The following PPP3CA variants were observed in gnomAD, a reference collection of about 807,000 sequenced individuals.
PPP3CA encodes CAM-PRP catalytic subunit.
PPP3CA carries 14 observed loss-of-function variants against 66.5 expected under a neutral mutation model. The ratio of observed to expected loss-of-function variants is 0.21; its 90% CI spans 0.14 to 0.33. The LOEUF is 0.33. Ranked by LOEUF, PPP3CA falls within the 10% of genes least tolerant of loss-of-function variation. PPP3CA has a pLI of 1.00. For synonymous variants in PPP3CA, 232 were observed against 226.2 expected (o/e 1.03, Z -0.23); for missense variants, 317 against 639.5 (o/e 0.50, Z 5.44).
At chr4:101,237,416 C>T (rs1278605620) in intron 1 of PPP3CA, among the ~76,000 whole-genome samples, 1 of 151,870 alleles carries the variant, frequency 6.6e-6, no homozygotes, top group Non-Finnish European at 1.5e-5. Context: ...AAACAATGTC[C>T]ACACAAAGTA....
chr4:101,327,928 A>C (rs1033865110), intron 1 of PPP3CA, among the ~76,000 whole-genome samples: 8 of 152,214 alleles, frequency 5.3e-5, no homozygotes, highest in Non-Finnish European at 8.8e-5. Flanking sequence ...CACCTTTCAT[A>C]AACAACAACC....
intron 1 of PPP3CA, among the ~76,000 whole-genome samples, chr4:101,327,723 A>C (rs1560719759): frequency 6.6e-6 from 1 of 152,200 alleles, no homozygotes; most frequent in Non-Finnish European, 1.5e-5. Context: ...TTCCTTATAA[A>C]GTAGAGGTTA....
rs1213202610 is a variant in PPP3CA at position 101,098,526 on chromosome 4, T to G, written c.497-14A>C. The G allele has an allele frequency of 1.9e-6, 3 of 1,582,404 alleles. No individual in the cohort carries two copies. The African/African-American group carries it at 4.1e-5, about 22-fold the overall frequency. ...ACTTTATTTTACCTTTTAGAAGTGA[T>G]TAAAAGAATACTTATGATTTATAGG... On this transcript the variant is annotated splice_polypyrimidine_tract_variant and intron_variant, in intron 4 of 13. Transcript: ENST00000394854.
intron 2 of PPP3CA, among the ~76,000 whole-genome samples, chr4:101,109,308 T>TAAAAAAAAAAAAA (rs70961775): frequency 4.4e-5 from 4 of 90,032 alleles, no homozygotes; most frequent in African/African-American, 1.3e-4. Flanking sequence ...ACAGATTAAC[T>TAAAAAAAAAAAAA]AAAAAAAAAA....
intron 2 of PPP3CA, among the ~76,000 whole-genome samples, chr4:101,153,797 A>C (rs932115819): frequency 3.3e-5 from 5 of 152,212 alleles, no homozygotes; most frequent in Non-Finnish European, 5.9e-5. Flanking sequence ...CAGCATGAAA[A>C]TCTCAGAACC....
At chr4:101,082,208 C>A (rs1729471806) in intron 7 of PPP3CA, among the ~76,000 whole-genome samples, 1 of 152,194 alleles carries the variant, frequency 6.6e-6, no homozygotes, top group Non-Finnish European at 1.5e-5. Flanking sequence ...AAACAGGTTA[C>A]TTCAAACATC....
rs1174272214 is a variant in PPP3CA at position 101,112,901 on chromosome 4, C to G, written c.260-3823G>C. ...CCGCCATATCCCCAGTGCCTAGACA[C>G]TTGTGTGCCCAGGAGGCACACAAGA... On this transcript the variant is annotated intron_variant, in intron 2 of 13. Transcript: ENST00000394854. Among the ~76,000 whole-genome samples, 6 of 152,094 alleles carry G rather than the reference C, an allele frequency of 3.9e-5. No homozygotes were observed. The East Asian group carries it at 1.2e-3, about 29-fold the overall frequency.
intron 2 of PPP3CA, among the ~76,000 whole-genome samples, chr4:101,147,478 A>T (rs187882578): frequency 6.6e-6 from 1 of 152,324 alleles, no homozygotes; most frequent in Non-Finnish European, 1.5e-5. Context: ...AACTAAAAAA[A>T]GACACAGAGT....
chr4:101,199,004 G>C (rs1228074276), intron 1 of PPP3CA, among the ~76,000 whole-genome samples: 2 of 152,144 alleles, frequency 1.3e-5, no homozygotes, highest in Non-Finnish European at 2.9e-5. Context: ...AAGCCTGCAG[G>C]GAACCAAGAT....
At chr4:101,124,710 A>AG in intron 2 of PPP3CA, among the ~76,000 whole-genome samples, 1 of 99,270 alleles carries the variant, frequency 1.0e-5, no homozygotes, top group African/African-American at 3.9e-5. Context: ...AGAAAGAAAG[A>AG]AAGAAAGAAA....
intron 2 of PPP3CA, among the ~76,000 whole-genome samples, chr4:101,180,020 T>C (rs1724185752): frequency 6.6e-6 from 1 of 152,146 alleles, no homozygotes; most frequent in Non-Finnish European, 1.5e-5. Context: ...CATTCTGTAG[T>C]CACCCAAAAA....
intron 1 of PPP3CA, among the ~76,000 whole-genome samples, chr4:101,278,105 ACTT>A (rs1466324879): frequency 6.8e-6 from 1 of 146,734 alleles, no homozygotes; most frequent in Non-Finnish European, 1.5e-5. Flanking sequence ...AAAAAATGAA[ACTT>A]TAAAAGCTAT....
chr4:101,075,403 G>T (rs1729142029), intron 8 of PPP3CA, among the ~76,000 whole-genome samples: 1 of 151,956 alleles, frequency 6.6e-6, no homozygotes, highest in African/African-American at 2.4e-5. Flanking sequence ...TAATTTTACT[G>T]TCAGTAGTGT....
intron 1 of PPP3CA, among the ~76,000 whole-genome samples, chr4:101,207,576 C>A (rs994841252): frequency 1.3e-5 from 2 of 152,164 alleles, no homozygotes; most frequent in African/African-American, 4.8e-5. Flanking sequence ...TACCTGTAAT[C>A]CCAGCACTGG....
intron 2 of PPP3CA, among the ~76,000 whole-genome samples, chr4:101,125,850 A>G (rs1419320301): frequency 1.3e-5 from 2 of 152,142 alleles, no homozygotes; most frequent in Non-Finnish European, 2.9e-5. Flanking sequence ...TCCCTGAACA[A>G]TATGACATTT....
chr4:101,069,905 T>C (rs1728840898), intron 8 of PPP3CA, among the ~76,000 whole-genome samples: 1 of 152,238 alleles, frequency 6.6e-6, no homozygotes, highest in Non-Finnish European at 1.5e-5. Flanking sequence ...AAATATGTGT[T>C]AATTGACTGT....
At chr4:101,332,957 A>G (rs921607563) in intron 1 of PPP3CA, among the ~76,000 whole-genome samples, 4 of 152,142 alleles carry the variant, frequency 2.6e-5, no homozygotes, top group African/African-American at 9.7e-5. Context: ...ATCTAACAGA[A>G]ATATCTTTTC....
chr4:101,142,050 T>TA (rs34130592), intron 2 of PPP3CA, among the ~76,000 whole-genome samples: 6,265 of 133,100 alleles, frequency 0.047, 186 homozygotes, highest in Middle Eastern at 0.12. Context: ...GGAAACAAGG[T>TA]AAAAAAAAAA....
At chr4:101,341,748 A>G (rs984118921) in intron 1 of PPP3CA, among the ~76,000 whole-genome samples, 1 of 152,218 alleles carries the variant, frequency 6.6e-6, no homozygotes, top group Non-Finnish European at 1.5e-5. Flanking sequence ...AGGTCTCACC[A>G]TATCCCTCTT....
Sources: allele counts gnomAD v4.1 joint callset (sites outside exome capture counted in the v4.1 genomes callset), GRCh38; gene constraint gnomAD v4.1.1; transcripts MANE v1.5; gene names NCBI Gene and HGNC (gene_info 2026-07-23, HGNC 2026-07-21).